Variants in MLPH observed in about 807,000 individuals in gnomAD.
MLPH encodes the protein exophilin-3.
Under a neutral mutation model 72.1 loss-of-function variants are expected in MLPH, and 51 were observed. The ratio of observed to expected loss-of-function variants is 0.71; its 90% confidence interval spans 0.56 to 0.89. MLPH has a LOEUF of 0.89. MLPH is among the 40% of genes least tolerant of loss of function. The pLI is 0.00. For missense variants in MLPH, 743 were observed against 759.9 expected, an observed-to-expected ratio of 0.98 and a Z score of 0.26; for synonymous variants, 301 against 310.1, an observed-to-expected ratio of 0.97 and a Z score of 0.31.
At chr2:237,515,378 C>T (rs1300428727) in intron 4 of MLPH, among the ~76,000 whole-genome samples, 1 of 152,118 alleles carries the variant, frequency 6.6e-6, no homozygotes, top group African/African-American at 2.4e-5. Context: ...CCTGCTGTCC[C>T]CACTTGGGGA....
At position 237,510,112 on chromosome 2, in the gene MLPH, G is replaced by A. The variant is rs978977122; in HGVS notation, c.111-462G>A. 8.3e-6 allele frequency: 2 copies of A among 240,812 alleles called. No homozygotes were observed. Among genetic ancestry groups the A allele is most frequent in the Admixed American group, 1.0e-4 (2 of 19,484 alleles). The allele number at this position is 240,812 out of a possible 1,614,324, so 14.9% of individuals were successfully genotyped here. ...ATGATTCCTGCTCTGGAAACTCACC[G>A]AGCCATTTCAGCTGCGCTCTAGAGG... On this transcript the variant is annotated intron_variant, in intron 2 of 15. Transcript: ENST00000264605. The surrounding 1 kb of genome is among the most constrained non-coding windows in gnomAD (Gnocchi z 4.4).
At chr2:237,533,331 A>C (rs1197466520) in intron 8 of MLPH, among the ~76,000 whole-genome samples, 1 of 151,956 alleles carries the variant, frequency 6.6e-6, no homozygotes, top group Admixed American at 6.6e-5. Context: ...TGGAAAAAGC[A>C]GAGAAAGAAG....
intron 12 of MLPH, 113 bp from the exon 13 acceptor site, chr2:237,546,493 C>A: frequency 3.2e-6 from 3 of 938,896 alleles, no homozygotes; most frequent in South Asian, 2.7e-5. Context: ...CCCAGCATCC[C>A]CAACCCAGCA....
intron 2 of MLPH, among the ~76,000 whole-genome samples, chr2:237,495,064 T>C (rs2079508316): frequency 1.3e-5 from 2 of 152,180 alleles, no homozygotes; most frequent in Admixed American, 1.3e-4. Context: ...CCCTGGCTCC[T>C]GGCCCCTCCT....
chr2:237,516,937 A>ATGGATAGG (rs1212222669), intron 4 of MLPH, among the ~76,000 whole-genome samples: 2 of 145,280 alleles, frequency 1.4e-5, no homozygotes, highest in East Asian at 4.0e-4. Context: ...GGATGGATGG[A>ATGGATAGG]TGGATAGGTG....
chr2:237,510,939 C>A lies in MLPH; in HGVS notation c.333-50C>A. ...TGTGTGTGTGTGAGATTTATGCAGG[C>A]CTGTGTACAGCACTCAGGCAGTGCC... On this transcript the variant is annotated intron_variant, in intron 3 of 15. Coordinates refer to ENST00000264605, the MANE Select transcript of MLPH (RefSeq NM_024101.7). The surrounding 1 kb of genome is among the most constrained non-coding windows in gnomAD (Gnocchi z 4.4). 6.5e-7 allele frequency: 1 copy of A among 1,543,312 alleles called. No homozygotes were observed. The highest frequency in any genetic ancestry group is 8.9e-7 in the Non-Finnish European group (1 of 1,117,484).
chr2:237,523,867 A>G (rs1175607335), intron 6 of MLPH, among the ~76,000 whole-genome samples: 3 of 152,170 alleles, frequency 2.0e-5, no homozygotes, highest in African/African-American at 4.8e-5. Flanking sequence ...ATTTGCTAGA[A>G]GTCATCAAGA....
chr2:237,520,378 T>A (rs2080155010), intron 6 of MLPH, among the ~76,000 whole-genome samples: 1 of 150,182 alleles, frequency 6.7e-6, no homozygotes, highest in South Asian at 2.1e-4. Flanking sequence ...GAGAAGGGCA[T>A]CTGAGGTGGA....
intron 4 of MLPH, 85 bp downstream of exon 4, chr2:237,511,186 G>T: frequency 1.0e-6 from 1 of 975,142 alleles, no homozygotes; most frequent in Non-Finnish European, 1.7e-6. Context: ...GTGCATGTGT[G>T]TGTGTACGTG....
At position 237,510,542 on chromosome 2, in the gene MLPH, A is replaced by G; in HGVS notation, c.111-32A>G. On this transcript the variant is annotated intron_variant, in intron 2 of 15. Coordinates refer to ENST00000264605, the MANE Select transcript of MLPH (RefSeq NM_024101.7). The surrounding 1 kb of genome is among the most constrained non-coding windows in gnomAD (Gnocchi z 4.4). ...AGCCTGTTGCAAAAACAAGATGCCC[A>G]ATATATTTCTTGTTTCTGATATTTT... The G allele has an allele frequency of 1.2e-6, 2 of 1,606,146 alleles. No individual in the cohort carries two copies. The highest frequency in any genetic ancestry group is 1.7e-5 in the Admixed American group (1 of 59,866).
At chr2:237,553,500 G>C in intron 15 of MLPH, 66 bp from the exon 16 acceptor site, 1 of 1,457,548 alleles carries the variant, frequency 6.9e-7, no homozygotes, top group South Asian at 1.2e-5. Flanking sequence ...GCATGCCCAT[G>C]TGTGTCTGTG....
rs769905941 is a variant in MLPH, at chr2:237,540,521, G to C, written c.1278G>C (p.Gln426His). The change falls in exon 10 of 16, where the codon CAG (glutamine) becomes CAC (histidine). Residue 426 changes from glutamine (Q) to histidine (H), a missense_variant. Coordinates refer to ENST00000264605, the MANE Select transcript of MLPH (RefSeq NM_024101.7). ...ACAAATCAGTTGGGCCTCTCCCCCAGGCGGACCCGGAGGTAAGACTATCCC... is the reference window on the plus strand; with the variant it reads ...ACAAATCAGTTGGGCCTCTCCCCCACGCGGACCCGGAGGTAAGACTATCCC... The part of the protein sequence containing the change: ...NRDKSVGPLP[Q>H]ADPEVGTAAH... 6.2e-7 allele frequency: 1 copy of C among 1,611,208 alleles called. No individual in the cohort carries two copies. Among genetic ancestry groups the C allele is most frequent in the African/African-American group, 1.3e-5 (1 of 74,876 alleles).
At chr2:237,526,699 C>A (rs1375249959) in intron 7 of MLPH, among the ~76,000 whole-genome samples, 1 of 152,132 alleles carries the variant, frequency 6.6e-6, no homozygotes, top group Admixed American at 6.6e-5. Flanking sequence ...AGTTTGGAGC[C>A]TCACTCTGCC....
Position 237,510,526 on chromosome 2 carries a change from C to T in MLPH, c.111-48C>T. The T allele has an allele frequency of 6.3e-7, 1 of 1,584,100 alleles. No homozygotes were observed. The highest frequency in any genetic ancestry group is 8.6e-7 in the Non-Finnish European group (1 of 1,157,320). ...ACGTGTACACACTTAAAGCCTGTTG[C>T]AAAAACAAGATGCCCAATATATTTC... is the stretch of plus-strand genomic sequence containing the variant. On this transcript the variant is annotated intron_variant, in intron 2 of 15. Coordinates refer to ENST00000264605, the MANE Select transcript of MLPH (RefSeq NM_024101.7). This position sits in a 1 kb window ranked among gnomAD's most constrained non-coding sequence, Gnocchi z 4.4.
chr2:237,490,337 A>G (rs1480497616), intron 1 of MLPH, among the ~76,000 whole-genome samples: 4 of 152,148 alleles, frequency 2.6e-5, no homozygotes, highest in African/African-American at 9.7e-5. Flanking sequence ...TAAAAAAAAA[A>G]AAGAAAGAAA....
At position 237,554,761 on chromosome 2, in the gene MLPH, C is replaced by T. The variant is rs1296471449; in HGVS notation, c.*1169C>T. The T allele has an allele frequency of 6.6e-6, 1 of 152,170 alleles. No homozygotes were observed. Among genetic ancestry groups the T allele is most frequent in the Admixed American group, 6.5e-5 (1 of 15,286 alleles). The allele number at this position is 152,170 out of a possible 1,614,324, so 9.4% of individuals were successfully genotyped here. A position where few individuals can be genotyped will look rare whatever the true frequency, so the allele number is the denominator to read the frequency against. On this transcript the variant is annotated 3_prime_UTR_variant, in exon 16 of 16. Coordinates refer to ENST00000264605, the MANE Select transcript of MLPH (RefSeq NM_024101.7). ...GACCAAGTTAAGTGTTTCCTTCCCT[C>T]TCTCAATAAGACACTTCCAGGAGCT...
chr2:237,520,444 A>G (rs1428088384), intron 6 of MLPH, among the ~76,000 whole-genome samples: 1 of 151,960 alleles, frequency 6.6e-6, no homozygotes, highest in Non-Finnish European at 1.5e-5. Flanking sequence ...AGGGGAACAT[A>G]CACTTTATTG....
chr2:237,518,461 G>C lies in MLPH; in HGVS notation c.446-78G>C, dbSNP rs776936306. The C allele has an allele frequency of 2.3e-5, 27 of 1,160,320 alleles. No homozygotes were observed. The East Asian group carries it at 6.0e-4, about 26-fold the overall frequency. 71.9% of individuals were successfully genotyped at this position (1,160,320 alleles called of 1,614,324 possible). ...AGGTAGATGGATAGATTAGTGGATG[G>C]ATGGGTGGATGGGCTGACAAATGGC... On this transcript the variant is annotated intron_variant, in intron 4 of 15. Transcript: ENST00000264605.
chr2:237,521,380 A>T (rs1434936812), intron 6 of MLPH, among the ~76,000 whole-genome samples: 1 of 152,032 alleles, frequency 6.6e-6, no homozygotes, highest in Non-Finnish European at 1.5e-5. Context: ...AGGGAGGAGG[A>T]GGTGAGGGGT....
Sources: allele counts gnomAD v4.1 joint callset (sites outside exome capture counted in the v4.1 genomes callset), GRCh38; gene constraint gnomAD v4.1.1; non-coding constraint Gnocchi (gnomAD v3.1); transcripts MANE v1.5; gene names NCBI Gene and HGNC (gene_info 2026-07-23, HGNC 2026-07-21).